ARHGAP24: variants seen among roughly 807,000 people sequenced by gnomAD.
ARHGAP24 encodes the protein Rho GTPase activating protein 24.
A neutral mutation model predicts 76.4 loss-of-function variants in ARHGAP24; 50 were observed. The ratio of observed to expected loss-of-function variants is 0.65; its 90% CI spans 0.52 to 0.83. ARHGAP24 has a LOEUF of 0.83. ARHGAP24 is among the 40% of genes least tolerant of loss of function. The pLI, the probability that ARHGAP24 is intolerant of heterozygous loss-of-function variation, is 0.00. For missense variants in ARHGAP24, 930 were observed against 914.2 expected (o/e 1.02, Z -0.22); for synonymous variants, 345 against 323.3 (o/e 1.07, Z -0.72).
At chr4:85,645,991 C>T (rs1355219714) in intron 2 of ARHGAP24, among the ~76,000 whole-genome samples, 1 of 151,888 alleles carries the variant, frequency 6.6e-6, no homozygotes, top group South Asian at 2.1e-4. Context: ...TTAGGTTATA[C>T]AAAGCCCTTA....
intron 4 of ARHGAP24, among the ~76,000 whole-genome samples, chr4:85,926,836 GAAGT>G (rs1464878443): frequency 6.6e-6 from 1 of 152,114 alleles, no homozygotes; most frequent in East Asian, 1.9e-4. Context: ...GTGAGAAGCA[GAAGT>G]AAGAAGAAAA....
intron 3 of ARHGAP24, among the ~76,000 whole-genome samples, chr4:85,745,826 A>G (rs1254648629): frequency 6.6e-6 from 1 of 152,214 alleles, no homozygotes; most frequent in Non-Finnish European, 1.5e-5. Flanking sequence ...AATTTCTATT[A>G]CGTGGCAAGA....
intron 2 of ARHGAP24, among the ~76,000 whole-genome samples, chr4:85,697,142 G>A (rs996268433): frequency 9.2e-5 from 14 of 152,278 alleles, no homozygotes; most frequent in African/African-American, 3.1e-4. Flanking sequence ...CAACTGGCAT[G>A]CATTTATGCT....
intron 2 of ARHGAP24, among the ~76,000 whole-genome samples, chr4:85,579,007 C>G (rs1727498519): frequency 6.6e-6 from 1 of 152,136 alleles, no homozygotes; most frequent in Non-Finnish European, 1.5e-5. Flanking sequence ...GAACAATACT[C>G]TCCTTTGTAG....
At chr4:85,785,985 C>CA (rs1490076740) in intron 3 of ARHGAP24, among the ~76,000 whole-genome samples, 61 of 149,770 alleles carry the variant, frequency 4.1e-4, no homozygotes, top group African/African-American at 1.4e-3. Flanking sequence ...CCACTACTAC[C>CA]TTTTTTTTTT....
intron 3 of ARHGAP24, among the ~76,000 whole-genome samples, chr4:85,872,595 CTT>C (rs5860005): frequency 0.057 from 4,146 of 72,898 alleles, 68 homozygotes; most frequent in South Asian, 0.11. Context: ...TGCATCTGGC[CTT>C]TTTTTTTTTT....
At chr4:85,620,734 A>G (rs1720689917) in intron 2 of ARHGAP24, among the ~76,000 whole-genome samples, 2 of 151,766 alleles carry the variant, frequency 1.3e-5, no homozygotes, top group African/African-American at 2.4e-5. Context: ...TTAAGGTACA[A>G]TCTTAGGTTA....
intron 2 of ARHGAP24, among the ~76,000 whole-genome samples, chr4:85,617,767 A>G (rs980081463): frequency 2.0e-5 from 3 of 152,166 alleles, no homozygotes; most frequent in Non-Finnish European, 4.4e-5. Flanking sequence ...GATATTTGTG[A>G]ATTGTTTCCT....
Position 86,000,487 on chromosome 4 carries a change from A to G in ARHGAP24, c.2012A>G (p.Gln671Arg), listed in dbSNP as rs1206936997. Residue 671 changes from glutamine to arginine, a missense_variant, in exon 10 of 10, where the codon CAG becomes CGG. Transcript: ENST00000395184. Reference protein sequence around the residue: ...EYESRIKSLEQRNLTLETEMM... With the variant: ...EYESRIKSLERRNLTLETEMM... Reference sequence around the variant, plus strand: ...CCCAACATCCTTTGTAGCTTAGAACAGCGAAACTTGACTTTGGAAACAGAA... The same window carrying G: ...CCCAACATCCTTTGTAGCTTAGAACGGCGAAACTTGACTTTGGAAACAGAA... 7.1e-7 allele frequency: 1 copy of G among 1,403,022 alleles called. No homozygotes were observed. Among genetic ancestry groups the G allele is most frequent in the South Asian group, 1.1e-5 (1 of 88,514 alleles). 86.9% of individuals were successfully genotyped at this position (1,403,022 alleles called of 1,614,324 possible).
intron 5 of ARHGAP24, among the ~76,000 whole-genome samples, chr4:85,953,227 C>T (rs1237130093): frequency 2.0e-5 from 3 of 152,156 alleles, no homozygotes; most frequent in Non-Finnish European, 4.4e-5. Context: ...TGTTTCAGGT[C>T]CCCCAGCTGC....
Position 85,486,434 on chromosome 4 carries a change from C to A in ARHGAP24, c.-21+10875C>A, listed in dbSNP as rs149314477. Among the ~76,000 whole-genome samples the A allele has an allele frequency of 4.6e-4, 70 of 152,250 alleles. 1 individual carries two copies. Among genetic ancestry groups the A allele is most frequent in the Non-Finnish European group, 8.7e-4 (59 of 68,018 alleles). ...AAAGATCTCCCCATTGAGAAACTGG[C>A]TAATTAAGTTAAAAGATTGAGTTTT... On this transcript the variant is annotated intron_variant, in intron 1 of 9. Coordinates refer to ENST00000395184, the MANE Select transcript of ARHGAP24 (RefSeq NM_001025616.3).
In ARHGAP24 at chr4:85,639,703, T is replaced by TAAA. The variant is rs3028175; in HGVS notation, c.180+68993_180+68995dup. ...TCTATTTATTGGAGGGAATAATTGG[T>TAAA]AAAAAAAAAAAAAGGAGGGGAGAAG... On this transcript the variant is annotated intron_variant, in intron 2 of 9. Transcript: ENST00000395184. Among the ~76,000 whole-genome samples the TAAA allele has an allele frequency of 7.5e-3, 1,096 of 146,868 alleles. 9 individuals carry two copies. The highest frequency in any genetic ancestry group is 0.018 in the African/African-American group (741 of 40,212).
At position 86,000,444 on chromosome 4, in the gene ARHGAP24, T is replaced by TCCC. The variant is rs777716425; in HGVS notation, c.2004-33_2004-31dup. The TCCC allele has an allele frequency of 1.3e-5, 8 of 616,636 alleles. No homozygotes were observed. The African/African-American group carries it at 1.5e-4, about 12-fold the overall frequency. 38.2% of individuals were successfully genotyped at this position (616,636 alleles called of 1,614,324 possible). A position where few individuals can be genotyped will look rare whatever the true frequency, so the allele number is the denominator to read the frequency against. On this transcript the variant is annotated intron_variant, in intron 9 of 9. Coordinates refer to ENST00000395184, the MANE Select transcript of ARHGAP24 (RefSeq NM_001025616.3). The stretch of plus-strand genomic sequence containing the variant: ...AATCACTTTATCTCTTACTCTTGCG[T>TCCC]CCCCACCCCCCACCCCCCCCAACAT...
At chr4:85,937,901 A>G (rs1405072721) in intron 4 of ARHGAP24, among the ~76,000 whole-genome samples, 1 of 152,208 alleles carries the variant, frequency 6.6e-6, no homozygotes, top group Non-Finnish European at 1.5e-5. Context: ...AGCAAAGAGA[A>G]TATGTAGTTA....
chr4:85,913,035 T>C (rs1475492177), intron 3 of ARHGAP24, among the ~76,000 whole-genome samples: 1 of 152,118 alleles, frequency 6.6e-6, no homozygotes, highest in Non-Finnish European at 1.5e-5. Context: ...TCTCCTACAT[T>C]ATCAATTTTT....
intron 2 of ARHGAP24, among the ~76,000 whole-genome samples, chr4:85,697,089 A>G (rs1723896281): frequency 1.3e-5 from 2 of 152,200 alleles, no homozygotes; most frequent in African/African-American, 4.8e-5. Context: ...ACGATCAGCT[A>G]GTGAGGAAAG....
intron 3 of ARHGAP24, among the ~76,000 whole-genome samples, chr4:85,805,159 C>T (rs1578245149): frequency 6.6e-6 from 1 of 152,116 alleles, no homozygotes; most frequent in Admixed American, 6.5e-5. Flanking sequence ...CATCTTGATA[C>T]TTTCGTCTTT....
intron 2 of ARHGAP24, among the ~76,000 whole-genome samples, chr4:85,652,414 A>G (rs1721980814): frequency 6.6e-6 from 1 of 152,208 alleles, no homozygotes; most frequent in African/African-American, 2.4e-5. Context: ...TGAGAAGTCA[A>G]TCCATCATTA....
chr4:85,580,111 CCTG>C (rs1727547032), intron 2 of ARHGAP24, among the ~76,000 whole-genome samples: 1 of 151,478 alleles, frequency 6.6e-6, no homozygotes, highest in Non-Finnish European at 1.5e-5. Context: ...CCCTCCACAC[CCTG>C]TGTATGTGTT....
Sources: allele counts gnomAD v4.1 joint callset (sites outside exome capture counted in the v4.1 genomes callset), GRCh38; gene constraint gnomAD v4.1.1; transcripts MANE v1.5; gene names NCBI Gene and HGNC (gene_info 2026-07-23, HGNC 2026-07-21).